The following IMMP2L variants were observed in gnomAD, a reference collection of about 807,000 sequenced individuals.
IMMP2L encodes the protein inner mitochondrial membrane peptidase subunit 2.
In IMMP2L, 18 loss-of-function variants were observed where a neutral mutation model predicts 19.3. The observed-to-expected ratio is 0.93, with a 90% CI of 0.64 to 1.38. The LOEUF (loss-of-function observed/expected upper bound fraction) is 1.38. Ranked by LOEUF, IMMP2L falls within the 40% of genes most tolerant of loss-of-function variation. The pLI is 0.00. For missense variants in IMMP2L, 233 were observed against 218.2 expected (o/e 1.07, Z -0.43); for synonymous variants, 76 against 73.0 (o/e 1.04, Z -0.21).
At chr7:111,184,180 G>C (rs148258211) in intron 3 of IMMP2L, among the ~76,000 whole-genome samples, 84 of 151,972 alleles carry the variant, frequency 5.5e-4, no homozygotes, top group African/African-American at 2.0e-3. Flanking sequence ...GAATACTCCA[G>C]GGTGCTCTAG....
chr7:110,755,367 G>C (rs80120833), intron 5 of IMMP2L, among the ~76,000 whole-genome samples: 2,955 of 152,114 alleles, frequency 0.019, 32 homozygotes, highest in Non-Finnish European at 0.031. Flanking sequence ...ATAGAGAAAA[G>C]TTAACAGACT....
intron 5 of IMMP2L, among the ~76,000 whole-genome samples, chr7:110,753,939 G>A (rs1464436875): frequency 6.6e-6 from 1 of 151,952 alleles, no homozygotes; most frequent in Non-Finnish European, 1.5e-5. Context: ...TTTACTTCTT[G>A]TCATAAAGGT....
At chr7:111,447,245 C>A (rs1838577881) in intron 3 of IMMP2L, among the ~76,000 whole-genome samples, 2 of 129,706 alleles carry the variant, frequency 1.5e-5, no homozygotes, top group Admixed American at 7.6e-5. Context: ...AACTCCAAGA[C>A]ACATAATTGT....
intron 3 of IMMP2L, among the ~76,000 whole-genome samples, chr7:110,964,389 C>T (rs1348212296): frequency 6.6e-6 from 1 of 152,072 alleles, no homozygotes; most frequent in Non-Finnish European, 1.5e-5. Flanking sequence ...AGATGCGAAG[C>T]ATTTCCTTTA....
chr7:110,744,142 G>A lies in IMMP2L; in HGVS notation c.409-80421C>T, dbSNP rs146162255. On this transcript the variant is annotated intron_variant, in intron 5 of 5. Coordinates refer to ENST00000405709, the MANE Select transcript of IMMP2L (RefSeq NM_032549.4). ...CCTCACAGTGTAAACAAAGCCACCA[G>A]GACGTTCGAACTGGGTGGAGCCCAC... 1.1e-3 allele frequency among the ~76,000 whole-genome samples: 171 copies of A among 152,296 alleles called. 3 individuals are homozygous for A. Among genetic ancestry groups the A allele is most frequent in the African/African-American group, 4.0e-3 (165 of 41,566 alleles).
intron 3 of IMMP2L, among the ~76,000 whole-genome samples, chr7:111,113,047 A>G (rs1373121255): frequency 6.6e-6 from 1 of 152,220 alleles, no homozygotes; most frequent in African/African-American, 2.4e-5. Flanking sequence ...ATTTTATTAT[A>G]TGCAGAACAG....
At chr7:111,301,548 GAT>G (rs1250124687) in intron 3 of IMMP2L, among the ~76,000 whole-genome samples, 2 of 151,846 alleles carry the variant, frequency 1.3e-5, no homozygotes, top group Admixed American at 6.6e-5. Flanking sequence ...AGATCCTAAA[GAT>G]TTTAACCTAT....
chr7:111,173,465 G>A (rs1806677730), intron 3 of IMMP2L, among the ~76,000 whole-genome samples: 1 of 151,678 alleles, frequency 6.6e-6, no homozygotes, highest in Middle Eastern at 3.4e-3. Context: ...TGCTGAGAAC[G>A]TTAAGTTAGT....
At chr7:111,194,350 C>T (rs374849058) in intron 3 of IMMP2L, among the ~76,000 whole-genome samples, 28 of 152,260 alleles carry the variant, frequency 1.8e-4, no homozygotes, top group African/African-American at 6.7e-4. Context: ...CTATGACAGT[C>T]TACCATTTAG....
intron 3 of IMMP2L, among the ~76,000 whole-genome samples, chr7:111,197,070 T>G (rs1451450398): frequency 6.6e-6 from 1 of 152,194 alleles, no homozygotes; most frequent in Admixed American, 6.5e-5. Context: ...ATTAATGCTA[T>G]GTTATTTTAC....
chr7:111,367,276 C>G (rs1019635732), intron 3 of IMMP2L, among the ~76,000 whole-genome samples: 1 of 151,652 alleles, frequency 6.6e-6, no homozygotes, highest in Non-Finnish European at 1.5e-5. Flanking sequence ...TTAATAATTT[C>G]TTCAAAACTA....
At chr7:111,144,428 G>C (rs911508772) in intron 3 of IMMP2L, among the ~76,000 whole-genome samples, 4 of 152,102 alleles carry the variant, frequency 2.6e-5, no homozygotes, top group African/African-American at 4.8e-5. Context: ...CATATATTTG[G>C]AGAGTTTAAG....
intron 3 of IMMP2L, among the ~76,000 whole-genome samples, chr7:111,459,277 G>A (rs1474918317): frequency 6.6e-6 from 1 of 151,806 alleles, no homozygotes; most frequent in African/African-American, 2.4e-5. Flanking sequence ...GAAATTAATG[G>A]GGAAAAAAGA....
chr7:111,497,662 G>C (rs1843720907), intron 2 of IMMP2L, among the ~76,000 whole-genome samples: 1 of 151,998 alleles, frequency 6.6e-6, no homozygotes, highest in Admixed American at 6.6e-5. Flanking sequence ...AAAAGAAAGA[G>C]AGTAACTTAT....
intron 3 of IMMP2L, among the ~76,000 whole-genome samples, chr7:111,355,009 G>A (rs37655): frequency 0.054 from 8,195 of 151,806 alleles, 323 homozygotes; most frequent in African/African-American, 0.1. Context: ...GAAAGTGAAG[G>A]ATCTGAAAAG....
intron 1 of IMMP2L, among the ~76,000 whole-genome samples, chr7:111,556,016 A>ATGTGTGTG (rs1308276307): frequency 4.2e-4 from 6 of 14,164 alleles, no homozygotes; most frequent in African/African-American, 6.1e-4. Context: ...TTCTGTGTGC[A>ATGTGTGTG]TGTATATATA....
chr7:111,200,603 G>GA (rs35319082), intron 3 of IMMP2L, among the ~76,000 whole-genome samples: 5 of 113,100 alleles, frequency 4.4e-5, no homozygotes, highest in East Asian at 2.5e-4. Flanking sequence ...CTATCTGCTG[G>GA]AAAAAAAAGA....
At chr7:111,309,286 C>A (rs184547431) in intron 3 of IMMP2L, among the ~76,000 whole-genome samples, 1 of 152,002 alleles carries the variant, frequency 6.6e-6, no homozygotes, top group East Asian at 1.9e-4. Flanking sequence ...CTATGCCAGG[C>A]AATTAGTGAA....
chr7:111,446,961 T>A (rs1340704249), intron 3 of IMMP2L, among the ~76,000 whole-genome samples: 1 of 149,596 alleles, frequency 6.7e-6, no homozygotes, highest in Non-Finnish European at 1.5e-5. Context: ...GTATCAGCAA[T>A]GGAAGATGAA....
Sources: allele counts gnomAD v4.1 joint callset (sites outside exome capture counted in the v4.1 genomes callset), GRCh38; gene constraint gnomAD v4.1.1; transcripts MANE v1.5; gene names NCBI Gene and HGNC (gene_info 2026-07-23, HGNC 2026-07-21).